CMSS1: variants seen among roughly 807,000 people sequenced by gnomAD.
CMSS1 encodes protein CMSS1.
In CMSS1, 33 loss-of-function variants were observed where a neutral mutation model predicts 43.5. That is an observed-to-expected ratio of 0.76 (90% CI 0.57 to 1.01). The LOEUF is 1.01. Among genes scored for constraint, CMSS1 ranks in the 50% least tolerant of loss-of-function variants. The pLI, the probability that CMSS1 is intolerant of heterozygous loss-of-function variation, is 0.00. For missense variants in CMSS1, 313 were observed against 326.4 expected, an observed-to-expected ratio of 0.96 and a Z score of 0.32; for synonymous variants, 115 against 117.2, an observed-to-expected ratio of 0.98 and a Z score of 0.12.
intron 1 of CMSS1, among the ~76,000 whole-genome samples, chr3:99,936,081 G>A (rs1559695242): frequency 6.6e-6 from 1 of 151,886 alleles, no homozygotes; most frequent in Non-Finnish European, 1.5e-5. Flanking sequence ...ATACTTTTTA[G>A]TCTTCATTTT....
intron 1 of CMSS1, among the ~76,000 whole-genome samples, chr3:100,097,581 T>C (rs1441747865): frequency 1.3e-5 from 2 of 152,238 alleles, no homozygotes; most frequent in Non-Finnish European, 2.9e-5. Context: ...AGCCTATATA[T>C]ATACATGTTT....
intron 1 of CMSS1, among the ~76,000 whole-genome samples, chr3:100,127,449 T>C (rs1359907342): frequency 6.6e-6 from 1 of 152,216 alleles, no homozygotes; most frequent in East Asian, 1.9e-4. Flanking sequence ...CAGAGTTCTG[T>C]ACCTTAGCTG....
rs771082736 is a variant in CMSS1, at chr3:100,162,411, T to G, written c.334T>G (p.Leu112Val). The stretch of plus-strand genomic sequence containing the variant: ...TAGCAGCAGACGCTTGGTGATTGAA[T>G]TAGAAGAACTGAACCTGCCAGGTAT... ...YYSSRRLVIE[L>V]EELNLPDSCF... is the part of the protein sequence containing the mutation. Residue 112 changes from leucine (L) to valine (V), a missense_variant, in exon 4 of 10, where the codon TTA becomes GTA. Physicochemically the swap from Leu to Val is conservative, Grantham distance 32 (BLOSUM62 1). Transcript: ENST00000421999. 6.2e-7 allele frequency: 1 copy of G among 1,612,972 alleles called. No homozygotes were observed. The highest frequency in any genetic ancestry group is 2.2e-5 in the East Asian group (1 of 44,836).
intron 1 of CMSS1, among the ~76,000 whole-genome samples, chr3:100,074,781 C>T (rs931133105): frequency 7.3e-6 from 1 of 137,082 alleles, no homozygotes; most frequent in Non-Finnish European, 1.5e-5. Flanking sequence ...GCAACCTCTG[C>T]CTACTGGGTT....
intron 1 of CMSS1, chr3:99,929,823 C>A: frequency 1.3e-6 from 2 of 1,532,734 alleles, no homozygotes; most frequent in Non-Finnish European, 1.8e-6. Context: ...GCTTGGCTGC[C>A]TCCCAGGTAC....
intron 1 of CMSS1, among the ~76,000 whole-genome samples, chr3:100,110,218 G>A (rs1280468620): frequency 2.0e-5 from 3 of 152,072 alleles, no homozygotes; most frequent in African/African-American, 7.2e-5. Context: ...CATGCTCCCT[G>A]ATCAAATGCA....
chr3:99,902,682 A>T (rs1191554974), intron 1 of CMSS1, among the ~76,000 whole-genome samples: 3 of 152,204 alleles, frequency 2.0e-5, no homozygotes, highest in Non-Finnish European at 2.9e-5. Flanking sequence ...TCAGGAAGAG[A>T]TTCACACTAA....
chr3:99,861,377 T>C (rs1380069556), intron 1 of CMSS1, among the ~76,000 whole-genome samples: 1 of 152,244 alleles, frequency 6.6e-6, no homozygotes, highest in Non-Finnish European at 1.5e-5. Context: ...CAGCATGTGA[T>C]GCCTTGTATT....
At chr3:100,075,805 G>A (rs1286588720) in intron 1 of CMSS1, among the ~76,000 whole-genome samples, 2 of 152,076 alleles carry the variant, frequency 1.3e-5, no homozygotes, top group Admixed American at 1.3e-4. Context: ...TGACTGACCT[G>A]GGGCAATTTA....
chr3:99,928,316 T>C (rs1226604662), intron 1 of CMSS1, among the ~76,000 whole-genome samples: 1 of 152,190 alleles, frequency 6.6e-6, no homozygotes, highest in African/African-American at 2.4e-5. Context: ...TGGAGTTATT[T>C]TGGCTTCGAG....
chr3:100,129,352 G>A (rs767116929), intron 1 of CMSS1, among the ~76,000 whole-genome samples: 3 of 152,152 alleles, frequency 2.0e-5, no homozygotes. Context: ...GTAGGGAAGG[G>A]GAAGAAGAAG....
At chr3:100,003,247 A>G (rs191445718) in intron 1 of CMSS1, among the ~76,000 whole-genome samples, 1 of 152,344 alleles carries the variant, frequency 6.6e-6, no homozygotes, top group African/African-American at 2.4e-5. Flanking sequence ...AGAAAATAAA[A>G]GAATGTTAGA....
chr3:100,002,397 A>T (rs1364612682), intron 1 of CMSS1, among the ~76,000 whole-genome samples: 1 of 152,184 alleles, frequency 6.6e-6, no homozygotes, highest in African/African-American at 2.4e-5. Context: ...TGTGGCTTAG[A>T]CTGGAGTATC....
At chr3:99,870,104 T>C (rs1384231422) in intron 1 of CMSS1, among the ~76,000 whole-genome samples, 2 of 152,220 alleles carry the variant, frequency 1.3e-5, no homozygotes, top group Non-Finnish European at 2.9e-5. Context: ...TGATCAGAGT[T>C]CCCATGAGGG....
intron 1 of CMSS1, among the ~76,000 whole-genome samples, chr3:100,036,222 A>T (rs1050921605): frequency 1.3e-5 from 2 of 152,230 alleles, no homozygotes; most frequent in African/African-American, 4.8e-5. Context: ...AGCAATGAAC[A>T]CATGCAACAC....
intron 1 of CMSS1, among the ~76,000 whole-genome samples, chr3:99,964,892 G>C (rs1708601436): frequency 6.6e-6 from 1 of 152,084 alleles, no homozygotes; most frequent in Non-Finnish European, 1.5e-5. Flanking sequence ...TTGAACATCA[G>C]TCCCATAGTG....
intron 1 of CMSS1, among the ~76,000 whole-genome samples, chr3:99,900,954 C>G (rs1438120902): frequency 6.6e-6 from 1 of 152,214 alleles, no homozygotes; most frequent in African/African-American, 2.4e-5. Flanking sequence ...GTAGTAGGAT[C>G]TGGACCCTGG....
intron 1 of CMSS1, among the ~76,000 whole-genome samples, chr3:99,914,878 T>C (rs1706904257): frequency 6.6e-6 from 1 of 152,268 alleles, no homozygotes; most frequent in African/African-American, 2.4e-5. Flanking sequence ...AGTATTCATC[T>C]ACTTTCATTG....
intron 1 of CMSS1, among the ~76,000 whole-genome samples, chr3:99,973,398 A>G (rs1708878844): frequency 6.6e-6 from 1 of 152,262 alleles, no homozygotes; most frequent in Non-Finnish European, 1.5e-5. Context: ...CATGATCATT[A>G]ATTCAATCCT....
Sources: gnomAD v4.1 joint callset for allele counts (sites outside exome capture counted in the v4.1 genomes callset) on GRCh38, gnomAD v4.1.1 for gene constraint, MANE v1.5 for transcripts, NCBI Gene and HGNC (gene_info 2026-07-23, HGNC 2026-07-21) for gene names.